Variants in LRP6 observed in about 807,000 individuals in gnomAD.
LRP6 encodes the protein low-density lipoprotein receptor-related protein 6.
Under a neutral mutation model 184.1 loss-of-function variants are expected in LRP6, and 43 were observed. The ratio of observed to expected loss-of-function variants is 0.23; its 90% CI spans 0.18 to 0.30. The LOEUF (loss-of-function observed/expected upper bound fraction) is 0.30. Ranked by LOEUF, LRP6 falls within the 10% of genes least tolerant of loss-of-function variation. The probability of loss-of-function intolerance (pLI) is 1.00; values close to 1 mark genes in which losing one functional copy is unlikely to be tolerated. For synonymous variants in LRP6, 719 were observed against 684.9 expected, an observed-to-expected ratio of 1.05 and a Z score of -0.78; for missense variants, 1,571 against 2,005.3, an observed-to-expected ratio of 0.78 and a Z score of 4.14.
chr12:12,180,095 G>GAAAA, intron 6 of LRP6, 114 bp from the exon 7 acceptor site: 1 of 788,274 alleles, frequency 1.3e-6, no homozygotes, highest in Admixed American at 2.5e-5. Context: ...TTAATGCCAA[G>GAAAA]GAAGGGGAAA....
intron 2 of LRP6, among the ~76,000 whole-genome samples, chr12:12,228,640 T>C (rs1342930322): frequency 6.6e-6 from 1 of 152,158 alleles, no homozygotes; most frequent in Non-Finnish European, 1.5e-5. Context: ...GTCACATCAG[T>C]GGCAGCATTA....
intron 7 of LRP6, among the ~76,000 whole-genome samples, chr12:12,179,399 G>GAT (rs1302550037): frequency 6.8e-6 from 1 of 146,218 alleles, no homozygotes; most frequent in African/African-American, 2.5e-5. Context: ...TATAGATATA[G>GAT]ATATAGATAT....
At chr12:12,194,326 A>G (rs753440536) in intron 3 of LRP6, among the ~76,000 whole-genome samples, 1 of 152,070 alleles carries the variant, frequency 6.6e-6, no homozygotes, top group East Asian at 1.9e-4. Context: ...ACAAGTTACT[A>G]TAAGGCAAAC....
intron 13 of LRP6, among the ~76,000 whole-genome samples, chr12:12,149,534 C>A (rs1309712169): frequency 2.6e-5 from 4 of 152,194 alleles, no homozygotes; most frequent in African/African-American, 9.7e-5. Flanking sequence ...GGCAATATTG[C>A]CCCGCCATGG....
chr12:12,210,495 T>C (rs1864180403), intron 2 of LRP6, among the ~76,000 whole-genome samples: 2 of 152,140 alleles, frequency 1.3e-5, no homozygotes, highest in South Asian at 4.1e-4. Context: ...AAGTGAAAGT[T>C]GGTTAGAAAA....
chr12:12,267,023 T>C lies in LRP6; in HGVS notation c.-288A>G, dbSNP rs1865792926. On this transcript the variant is annotated 5_prime_UTR_variant, in exon 1 of 23. Transcript: ENST00000261349. ...CGCAGCTCCTCATTCAGCCTCTGCC[T>C]CGCGCAGCGGCGCAGGGATACGGTC... The C allele has an allele frequency of 8.5e-6, 4 of 470,656 alleles. No homozygotes were observed. Among genetic ancestry groups the C allele is most frequent in the South Asian group, 2.7e-5 (1 of 36,674 alleles). The allele number at this position is 470,656 out of a possible 1,614,324, so 29.2% of individuals were successfully genotyped here.
At chr12:12,147,746 G>A (rs1039751705) in intron 14 of LRP6, among the ~76,000 whole-genome samples, 190 bp from the exon 15 acceptor site, 1 of 151,978 alleles carries the variant, frequency 6.6e-6, no homozygotes, top group African/African-American at 2.4e-5. Flanking sequence ...CTGAGGCGGG[G>A]GTATTGCTTA....
chr12:12,220,083 T>TA (rs1216079618), intron 2 of LRP6, among the ~76,000 whole-genome samples: 8 of 152,082 alleles, frequency 5.3e-5, no homozygotes, highest in African/African-American at 1.9e-4. Flanking sequence ...GGTCAGGAAT[T>TA]AAGAGACCAG....
chr12:12,238,224 GAAA>G (rs56083767), intron 2 of LRP6, among the ~76,000 whole-genome samples: 26 of 125,996 alleles, frequency 2.1e-4, no homozygotes, highest in African/African-American at 7.1e-4. Context: ...AGGTACAAAA[GAAA>G]AAAAAAAACA....
chr12:12,240,935 C>G (rs950216009), intron 2 of LRP6, among the ~76,000 whole-genome samples: 1 of 152,156 alleles, frequency 6.6e-6, no homozygotes, highest in Non-Finnish European at 1.5e-5. Flanking sequence ...ATACACACAT[C>G]TTCCCGTTGC....
At chr12:12,232,462 G>T (rs1179480306) in intron 2 of LRP6, among the ~76,000 whole-genome samples, 1 of 151,586 alleles carries the variant, frequency 6.6e-6, no homozygotes, top group Admixed American at 6.6e-5. Flanking sequence ...AATCTCTCTG[G>T]AGGAATATGC....
At chr12:12,125,146 G>A (rs1016811236) in intron 21 of LRP6, 150 bp downstream of exon 21, 9 of 763,724 alleles carry the variant, frequency 1.2e-5, no homozygotes, top group South Asian at 4.7e-5. Flanking sequence ...CATGGATGGT[G>A]GTGTGTGGTA....
At chr12:12,191,077 A>G (rs1371387308) in intron 3 of LRP6, among the ~76,000 whole-genome samples, 1 of 152,240 alleles carries the variant, frequency 6.6e-6, no homozygotes, top group Non-Finnish European at 1.5e-5. Context: ...AACACATAAA[A>G]CAGACAACAT....
chr12:12,155,513 C>T, intron 12 of LRP6: 1 of 787,832 alleles, frequency 1.3e-6, no homozygotes, highest in Non-Finnish European at 2.3e-6. Context: ...GGGCAAGATT[C>T]TTGCCAACAG....
intron 2 of LRP6, among the ~76,000 whole-genome samples, chr12:12,212,625 A>T (rs963981969): frequency 6.6e-6 from 1 of 152,162 alleles, no homozygotes; most frequent in African/African-American, 2.4e-5. Flanking sequence ...GATTCTATAT[A>T]ATCAGTCTCT....
intron 5 of LRP6, among the ~76,000 whole-genome samples, chr12:12,182,638 A>G (rs531408998): frequency 6.6e-6 from 1 of 152,370 alleles, no homozygotes; most frequent in South Asian, 2.1e-4. Context: ...AAGCCTCTCA[A>G]TATCAGCCCT....
chr12:12,137,094 G>T (rs1338898683), intron 16 of LRP6, among the ~76,000 whole-genome samples: 1 of 152,018 alleles, frequency 6.6e-6, no homozygotes, highest in Admixed American at 6.5e-5. Flanking sequence ...CTAAATTCAT[G>T]AACTGTACCA....
chr12:12,255,359 C>T (rs1865434638), intron 1 of LRP6, among the ~76,000 whole-genome samples: 1 of 151,940 alleles, frequency 6.6e-6, no homozygotes, highest in Admixed American at 6.6e-5. Flanking sequence ...TCTGCTCACC[C>T]CTACCTATTT....
intron 2 of LRP6, among the ~76,000 whole-genome samples, chr12:12,234,011 C>T (rs944454682): frequency 6.6e-6 from 1 of 152,014 alleles, no homozygotes; most frequent in Non-Finnish European, 1.5e-5. Flanking sequence ...AAGTTTTGGC[C>T]GGGCACGGTG....
Sources: gnomAD v4.1 joint callset for allele counts (sites outside exome capture counted in the v4.1 genomes callset) on GRCh38, gnomAD v4.1.1 for gene constraint, MANE v1.5 for transcripts, NCBI Gene and HGNC (gene_info 2026-07-23, HGNC 2026-07-21) for gene names.